Variants in FRMD4A observed in about 807,000 individuals in gnomAD.
FRMD4A encodes the protein FERM domain-containing protein 4A.
In FRMD4A, 29 loss-of-function variants were observed where a neutral mutation model predicts 129.1. The observed-to-expected ratio is 0.22, with a 90% CI of 0.17 to 0.31. The LOEUF is 0.31. FRMD4A is among the 10% of genes least tolerant of loss of function. FRMD4A has a pLI of 1.00. For missense variants in FRMD4A, 1,272 were observed against 1,375.8 expected (o/e 0.92, Z 1.19); for synonymous variants, 634 against 571.6 (o/e 1.11, Z -1.56).
chr10:14,241,896 G>A (rs911932532), intron 2 of FRMD4A, among the ~76,000 whole-genome samples: 5 of 151,980 alleles, frequency 3.3e-5, no homozygotes, highest in East Asian at 1.9e-4. Context: ...TTTAGGAAGA[G>A]TGAGACCATC....
At chr10:14,189,442 C>T (rs997455813) in intron 2 of FRMD4A, among the ~76,000 whole-genome samples, 2 of 152,012 alleles carry the variant, frequency 1.3e-5, no homozygotes, top group African/African-American at 4.8e-5. Flanking sequence ...GGTGTGGTGG[C>T]GGGCACCTGT....
chr10:13,872,784 CGTTT>C (rs1468450833), intron 2 of FRMD4A, among the ~76,000 whole-genome samples: 4 of 152,178 alleles, frequency 2.6e-5, no homozygotes, highest in Non-Finnish European at 2.9e-5. Context: ...TTTGTCTGTT[CGTTT>C]GTTTGTTTGG....
At chr10:13,833,800 A>T (rs896177202) in intron 3 of FRMD4A, among the ~76,000 whole-genome samples, 5 of 152,102 alleles carry the variant, frequency 3.3e-5, no homozygotes, top group African/African-American at 1.2e-4. Context: ...TATTGTTATG[A>T]TCATTCCCAT....
rs574520375 is a variant in FRMD4A, at chr10:14,146,673, A to C, written c.45+183385T>G. 1.6e-4 allele frequency among the ~76,000 whole-genome samples: 25 copies of C among 152,280 alleles called. 1 individual carries two copies. The highest frequency in any genetic ancestry group is 1.4e-3 in the East Asian group (7 of 5,172). ...TTACTTATGACACTAATGACTCAAC[A>C]CGGCACTAAGTTCCATGGAATCTAG... On this transcript the variant is annotated intron_variant, in intron 2 of 24. Transcript: ENST00000357447.
intron 4 of FRMD4A, among the ~76,000 whole-genome samples, chr10:13,808,781 C>T (rs78403638): frequency 0.013 from 1,960 of 152,288 alleles, 103 homozygotes; most frequent in East Asian, 0.12. Flanking sequence ...GCTGGCTGGC[C>T]GCCACTCCTT....
Position 13,644,397 on chromosome 10 carries a change from C to T in FRMD4A, c.*2641G>A, listed in dbSNP as rs1013002196. On this transcript the variant is annotated 3_prime_UTR_variant, in exon 25 of 25. Coordinates refer to ENST00000357447, the MANE Select transcript of FRMD4A (RefSeq NM_018027.5). ...AATCATGTCAGTCTCAAAGGACTAA[C>T]GTTTTATGTACATTTTGTATTAACT... 1.3e-5 allele frequency: 2 copies of T among 152,200 alleles called. No homozygotes were observed. The highest frequency in any genetic ancestry group is 1.3e-4 in the Admixed American group (2 of 15,282). 9.4% of individuals were successfully genotyped at this position (152,200 alleles called of 1,614,324 possible).
At chr10:14,033,832 A>G (rs2131665059) in intron 2 of FRMD4A, among the ~76,000 whole-genome samples, 1 of 152,120 alleles carries the variant, frequency 6.6e-6, no homozygotes. Context: ...AAAGAAAAAA[A>G]AGAAAAGAAA....
chr10:14,115,668 G>T (rs1379783435), intron 2 of FRMD4A, among the ~76,000 whole-genome samples: 1 of 152,100 alleles, frequency 6.6e-6, no homozygotes, highest in African/African-American at 2.4e-5. Context: ...GTTTGCACAA[G>T]AACTGGTGGT....
At chr10:14,138,372 T>C (rs1387382758) in intron 2 of FRMD4A, among the ~76,000 whole-genome samples, 1 of 152,202 alleles carries the variant, frequency 6.6e-6, no homozygotes, top group Admixed American at 6.5e-5. Context: ...TTTCTAGTTA[T>C]GAAGTAAAGG....
At chr10:13,762,779 A>G in intron 6 of FRMD4A, 99 bp from the exon 7 acceptor site, 1 of 757,428 alleles carries the variant, frequency 1.3e-6, no homozygotes, top group Non-Finnish European at 2.3e-6. Context: ...GGATTACTTG[A>G]GCCCTGGAGT....
Position 13,658,470 on chromosome 10 carries a change from A to G in FRMD4A, c.2066+853T>C, listed in dbSNP as rs185630492. 3.9e-4 allele frequency among the ~76,000 whole-genome samples: 59 copies of G among 152,390 alleles called. 1 individual carries two copies. The highest frequency in any genetic ancestry group is 2.9e-3 in the Admixed American group (44 of 15,308). ...TGCTGGGACTGCATGTGAACTTCAC[A>G]GCGGCCCCACGGGCCAAGCACAGGA... On this transcript the variant is annotated intron_variant, in intron 21 of 24. Coordinates refer to ENST00000357447, the MANE Select transcript of FRMD4A (RefSeq NM_018027.5).
At chr10:13,945,405 G>A (rs1870747) in intron 2 of FRMD4A, among the ~76,000 whole-genome samples, 2,481 of 152,172 alleles carry the variant, frequency 0.016, 72 homozygotes, top group African/African-American at 0.057. Context: ...ATGACAGACC[G>A]GGGAAAGGGG....
Position 13,671,917 on chromosome 10 carries a change from A to T in FRMD4A, c.1252-1389T>A, listed in dbSNP as rs759599348. Among the ~76,000 whole-genome samples, 172 of 152,370 alleles carry T rather than the reference A, an allele frequency of 1.1e-3. 4 individuals carry two copies. Among genetic ancestry groups the T allele is most frequent in the Non-Finnish European group, 2.4e-4 (16 of 68,032 alleles). On this transcript the variant is annotated intron_variant, in intron 16 of 24. Coordinates refer to ENST00000357447, the MANE Select transcript of FRMD4A (RefSeq NM_018027.5). The stretch of plus-strand genomic sequence containing the variant: ...AGGAGCTGCTCTGACAAGGAAGTTC[A>T]GGAGGCTTTTCTCAGGAATATCCAT...
At position 13,644,465 on chromosome 10, in the gene FRMD4A, C is replaced by T. The variant is rs1409301020; in HGVS notation, c.*2573G>A. 6.6e-6 allele frequency: 1 copy of T among 152,230 alleles called. No individual in the cohort carries two copies. The highest frequency in any genetic ancestry group is 2.4e-5 in the African/African-American group (1 of 41,448). 9.4% of individuals were successfully genotyped at this position (152,230 alleles called of 1,614,324 possible). On this transcript the variant is annotated 3_prime_UTR_variant, in exon 25 of 25. Transcript: ENST00000357447. ...AAAACCTGTTTTACTTAATCTCTGT[C>T]TTGACTACCAGACTATCATGATGTT...
intron 3 of FRMD4A, among the ~76,000 whole-genome samples, chr10:13,828,223 A>G (rs1292039387): frequency 6.6e-6 from 1 of 152,176 alleles, no homozygotes. Flanking sequence ...ACATGGATAT[A>G]CTATGCAGTG....
chr10:14,257,050 T>A (rs1165930739), intron 2 of FRMD4A, among the ~76,000 whole-genome samples: 1 of 152,140 alleles, frequency 6.6e-6, no homozygotes. Context: ...ATTAACTGGC[T>A]GGGTGTAGTG....
intron 2 of FRMD4A, among the ~76,000 whole-genome samples, chr10:13,992,920 T>A (rs1442750355): frequency 8.6e-6 from 1 of 116,452 alleles, no homozygotes; most frequent in African/African-American, 3.3e-5. Context: ...GCCATTGCAC[T>A]CCAGCCTGGG....
intron 2 of FRMD4A, among the ~76,000 whole-genome samples, chr10:14,311,002 A>T (rs930311818): frequency 2.6e-5 from 4 of 152,140 alleles, no homozygotes; most frequent in Non-Finnish European, 5.9e-5. Context: ...CCGCTTCACT[A>T]GCATGGGGTT....
chr10:13,809,615 C>T (rs755077423), intron 4 of FRMD4A, among the ~76,000 whole-genome samples: 6 of 152,326 alleles, frequency 3.9e-5, no homozygotes, highest in Admixed American at 6.5e-5. Flanking sequence ...TGCCCACCGA[C>T]GGCCACTCCC....
Sources: gnomAD v4.1 joint callset for allele counts (sites outside exome capture counted in the v4.1 genomes callset) on GRCh38, gnomAD v4.1.1 for gene constraint, MANE v1.5 for transcripts, NCBI Gene and HGNC (gene_info 2026-07-23, HGNC 2026-07-21) for gene names.